DCLRE1A: variants seen among roughly 807,000 people sequenced by gnomAD.
The protein encoded by DCLRE1A is DNA cross-link repair 1A, also known as DNA cross-link repair 1A protein.
A neutral mutation model predicts 91.9 loss-of-function variants in DCLRE1A; 64 were observed. That is an observed-to-expected ratio of 0.70 (90% CI 0.57 to 0.86). The LOEUF (loss-of-function observed/expected upper bound fraction) is 0.86. Among genes scored for constraint, DCLRE1A ranks in the 40% least tolerant of loss-of-function variants. The probability of loss-of-function intolerance (pLI) is 0.00; values close to 1 mark genes in which losing one functional copy is unlikely to be tolerated. For missense variants in DCLRE1A, 1,145 were observed against 1,213.3 expected, an observed-to-expected ratio of 0.94 and a Z score of 0.84; for synonymous variants, 416 against 431.1, an observed-to-expected ratio of 0.96 and a Z score of 0.43.
chr10:113,852,815 G>C lies in DCLRE1A; in HGVS notation c.368C>G (p.Pro123Arg). Residue 123 changes from proline to arginine, a missense_variant, in exon 1 of 9, where the codon CCA (proline) becomes CGA (arginine). Transcript: ENST00000361384. Reference protein sequence around the residue: ...KIRPVYDGYCPNCQMPFSSLI... With the variant: ...KIRPVYDGYCRNCQMPFSSLI... ...TGAGGAAAAAGGCATCTGGCAATTT[G>C]GACAGTATCCATCATAAACTGGACG... The C allele has an allele frequency of 6.2e-7, 1 of 1,614,162 alleles. No individual in the cohort carries two copies. Among genetic ancestry groups the C allele is most frequent in the African/African-American group, 1.3e-5 (1 of 75,044 alleles).
upstream of DCLRE1A, chr10:113,854,244 G>A (rs1393054122): frequency 1.3e-5 from 2 of 152,244 alleles, no homozygotes; most frequent in Non-Finnish European, 2.9e-5. Context: ...CGCACTTTCA[G>A]CACTCCCAGA....
intron 4 of DCLRE1A, among the ~76,000 whole-genome samples, chr10:113,845,356 T>C (rs1196317201): frequency 6.6e-6 from 1 of 152,132 alleles, no homozygotes; most frequent in Non-Finnish European, 1.5e-5. Context: ...AAATGATAAA[T>C]GATACTAAAG....
Position 113,849,209 on chromosome 10 carries a change from C to T in DCLRE1A, c.1896G>A (p.Gln632=), listed in dbSNP as rs1845596341. 6.2e-7 allele frequency: 1 copy of T among 1,613,852 alleles called. No homozygotes were observed. The highest frequency in any genetic ancestry group is 1.3e-5 in the African/African-American group (1 of 74,914). Residue 632 remains glutamine, a synonymous_variant, in exon 2 of 9, where the codon CAG becomes CAA. Coordinates refer to ENST00000361384, the MANE Select transcript of DCLRE1A (RefSeq NM_014881.5). The stretch of plus-strand genomic sequence containing the variant: ...ACTTTCTACATCTCTTTTTTTGACG[C>T]TGTGACCTCTCACTAGAAAGTTCCA... ...LSVELSSERS[Q]RQKKRCRKSN... is the part of the protein sequence containing the mutation.
intron 1 of DCLRE1A, among the ~76,000 whole-genome samples, chr10:113,851,788 T>C (rs1845654009): frequency 6.6e-6 from 1 of 151,812 alleles, no homozygotes; most frequent in African/African-American, 2.4e-5. Context: ...TGCCCTGGCA[T>C]GATCACAGGG....
At position 113,835,273 on chromosome 10, in the gene DCLRE1A, T is replaced by G. The variant is rs1845344796; in HGVS notation, c.3002A>C (p.Lys1001Thr). 6.2e-7 allele frequency: 1 copy of G among 1,613,398 alleles called. No individual in the cohort carries two copies. Among genetic ancestry groups the G allele is most frequent in the Non-Finnish European group, 8.5e-7 (1 of 1,179,776 alleles). ...YSEHSSYLEM[K>T]RFVQWLKPQK... ...GGGCTTCAGCCACTGGACAAAGCGC[T>G]TCATTTCTAGGTAGCTGCTGTGTTC... Residue 1001 changes from lysine to threonine, a missense_variant, in exon 9 of 9, where the codon AAG (lysine) becomes ACG (threonine). By Grantham distance (78) the Lys-to-Thr change is moderately conservative. Transcript: ENST00000361384.
rs759214264 is a variant in DCLRE1A at position 113,849,536 on chromosome 10, TG to T, written c.1568del (p.Thr523LysfsTer13). ...VPVGKATILN[T>X]ENLSSTPAPK... ...GAGCAGGTGTACTAGACAAGTTTTC[TG>T]TATTTAAAATTGTAGCTTTACCAAC... On this transcript the variant is annotated frameshift_variant, in exon 2 of 9. Transcript: ENST00000361384. LOFTEE classifies it high-confidence loss of function. 1 of 1,613,840 alleles carries T rather than the reference TG, an allele frequency of 6.2e-7. No individual in the cohort carries two copies.
chr10:113,842,538 C>T lies in DCLRE1A; in HGVS notation c.2520-50G>A, dbSNP rs778381733. 3.2e-6 allele frequency: 5 copies of T among 1,562,008 alleles called. No homozygotes were observed. The East Asian group carries it at 9.0e-5, about 28-fold the overall frequency. On this transcript the variant is annotated intron_variant, in intron 5 of 8. Coordinates refer to ENST00000361384, the MANE Select transcript of DCLRE1A (RefSeq NM_014881.5). ...ACTAAAAGAACAATAAAAAAGCCATCACCTTAAGCTGGATGCTATTTTAGA... is the reference window on the plus strand; with the variant it reads ...ACTAAAAGAACAATAAAAAAGCCATTACCTTAAGCTGGATGCTATTTTAGA...
rs61757203 is a variant in DCLRE1A at position 113,850,035 on chromosome 10, T to C, written c.1070A>G (p.Glu357Gly). The C allele has an allele frequency of 8.2e-5, 133 of 1,614,172 alleles. No individual in the cohort carries two copies. Among genetic ancestry groups the C allele is most frequent in the Middle Eastern group, 1.6e-4 (1 of 6,062 alleles). ...GAAGCTGTTCACTTTGGGGCAGCTC[T>C]CATCCTGGTCCTTCAGTAAGGGACC... ...RHGPLLKDQD[E>G]SCPKVNSFLT... Residue 357 changes from glutamate to glycine, a missense_variant, in exon 2 of 9, where the codon GAG (glutamate) becomes GGG (glycine). Glu to Gly is a moderately conservative substitution (Grantham distance 98, BLOSUM62 -2). Coordinates refer to ENST00000361384, the MANE Select transcript of DCLRE1A (RefSeq NM_014881.5).
Position 113,849,288 on chromosome 10 carries a change from G to T in DCLRE1A, c.1817C>A (p.Ser606Tyr), listed in dbSNP as rs1233443268. 2 of 1,614,144 alleles carry T rather than the reference G, an allele frequency of 1.2e-6. No individual in the cohort carries two copies. Among genetic ancestry groups the T allele is most frequent in the Non-Finnish European group, 1.7e-6 (2 of 1,180,020 alleles). Residue 606 changes from serine (S) to tyrosine (Y), a missense_variant, in exon 2 of 9, where the codon TCT becomes TAT. By Grantham distance (144) the Ser-to-Tyr change is moderately radical (BLOSUM62 -2). Coordinates refer to ENST00000361384, the MANE Select transcript of DCLRE1A (RefSeq NM_014881.5). ...TGCATCAAATTCTAAATCACTTAAA[G>T]ATTTTTCTGCTTTCCTCTTGCACTG... ...SSQCKRKAEK[S>Y]LSDLEFDAST...
At chr10:113,851,245 T>C (rs989163834) in intron 1 of DCLRE1A, among the ~76,000 whole-genome samples, 1 of 152,214 alleles carries the variant, frequency 6.6e-6, no homozygotes, top group South Asian at 2.1e-4. Context: ...GAAAGAAAAT[T>C]ACTAGCAAAT....
intron 8 of DCLRE1A, among the ~76,000 whole-genome samples, chr10:113,836,270 T>C (rs748698980): frequency 3.7e-4 from 56 of 152,306 alleles, no homozygotes; most frequent in Non-Finnish European, 7.5e-4. Flanking sequence ...ATTGCGTGTA[T>C]ACTTAATAAC....
chr10:113,853,246 CACAA>C lies in DCLRE1A; in HGVS notation c.-68_-65del. 4 of 1,373,316 alleles carry C rather than the reference CACAA, an allele frequency of 2.9e-6. No individual in the cohort carries two copies. The highest frequency in any genetic ancestry group is 3.8e-6 in the Non-Finnish European group (4 of 1,039,242). 85.1% of individuals were successfully genotyped at this position (1,373,316 alleles called of 1,614,324 possible). A position where few individuals can be genotyped will look rare whatever the true frequency, so the allele number is the denominator to read the frequency against. ...AGTAAACTGAAAGTCCATTTCTTGT[CACAA>C]ACAAAAAGTTATAGAATTATTTTGC... On this transcript the variant is annotated 5_prime_UTR_variant, in exon 1 of 9. Coordinates refer to ENST00000361384, the MANE Select transcript of DCLRE1A (RefSeq NM_014881.5).
At chr10:113,850,983 C>T (rs1845640712) in intron 1 of DCLRE1A, among the ~76,000 whole-genome samples, 1 of 152,068 alleles carries the variant, frequency 6.6e-6, no homozygotes, top group Admixed American at 6.5e-5. Flanking sequence ...ACCTCCCTCC[C>T]CTCAAAAAAG....
rs544469936 is a variant in DCLRE1A, at chr10:113,847,195, A to C, written c.2259+7T>G. On this transcript the variant is annotated splice_region_variant and intron_variant, in intron 3 of 8. Coordinates refer to ENST00000361384, the MANE Select transcript of DCLRE1A (RefSeq NM_014881.5). ...ACAAAGTCAAAAGTTAGAATACTAA[A>C]ACTTACCTCACTACAATAAACTGGA... 7.6e-5 allele frequency: 121 copies of C among 1,594,916 alleles called. No individual in the cohort carries two copies. Among genetic ancestry groups the C allele is most frequent in the Admixed American group, 1.2e-4 (7 of 58,930 alleles).
At position 113,845,788 on chromosome 10, in the gene DCLRE1A, A is replaced by G. The variant is rs762416836; in HGVS notation, c.2275T>C (p.Leu759=). 3 of 1,614,122 alleles carry G rather than the reference A, an allele frequency of 1.9e-6. No individual in the cohort carries two copies. The highest frequency in any genetic ancestry group is 1.1e-5 in the South Asian group (1 of 91,086). Residue 759 remains leucine, a synonymous_variant, in exon 4 of 9, where the codon TTG becomes CTG. Coordinates refer to ENST00000361384, the MANE Select transcript of DCLRE1A (RefSeq NM_014881.5). ...TCTTGCACATGAAGCTTGTTCTTCAACAAATTGCCAGTTATCTGCAAAACA... is the reference window on the plus strand; with the variant it reads ...TCTTGCACATGAAGCTTGTTCTTCAGCAAATTGCCAGTTATCTGCAAAACA... ...VYCSEITGNL[L]KNKLHVQEQY...
At chr10:113,846,107 A>G (rs980949140) in intron 3 of DCLRE1A, among the ~76,000 whole-genome samples, 1 of 152,066 alleles carries the variant, frequency 6.6e-6, no homozygotes, top group Non-Finnish European at 1.5e-5. Flanking sequence ...CTTGTGTTCT[A>G]GCCATTTTGA....
intron 5 of DCLRE1A, 94 bp downstream of exon 5, chr10:113,844,010 A>G: frequency 6.7e-7 from 1 of 1,502,276 alleles, no homozygotes; most frequent in East Asian, 2.3e-5. Context: ...CCTTAAAATA[A>G]TAATTGGCAA....
chr10:113,846,892 C>T (rs1281538098), intron 3 of DCLRE1A, among the ~76,000 whole-genome samples: 1 of 152,164 alleles, frequency 6.6e-6, no homozygotes, highest in African/African-American at 2.4e-5. Context: ...ACAGATACAG[C>T]AGGCTGACTG....
Position 113,850,401 on chromosome 10 carries a change from A to T in DCLRE1A, c.704T>A (p.Phe235Tyr), listed in dbSNP as rs200885970. The change falls in exon 2 of 9, where the codon TTT (phenylalanine) becomes TAT (tyrosine). Residue 235 changes from phenylalanine to tyrosine, a missense_variant. Phe to Tyr is a conservative substitution (Grantham distance 22, BLOSUM62 3). Transcript: ENST00000361384. Reference sequence around the variant, plus strand: ...TTCAGTCAGAGACGGAGACTTTTTAAAATACTGTGTCATCAATAAGGGATC... The same window carrying T: ...TTCAGTCAGAGACGGAGACTTTTTATAATACTGTGTCATCAATAAGGGATC... ...SNDPLLMTQY[F>Y]KKSPSLTEAS... 14 of 1,614,234 alleles carry T rather than the reference A, an allele frequency of 8.7e-6. No individual in the cohort carries two copies. In the East Asian group the frequency reaches 2.5e-4, roughly 28 times the overall value.
Sources: gnomAD v4.1 joint callset for allele counts (sites outside exome capture counted in the v4.1 genomes callset) on GRCh38, gnomAD v4.1.1 for gene constraint, MANE v1.5 for transcripts, NCBI Gene and HGNC (gene_info 2026-07-23, HGNC 2026-07-21) for gene names.